Variants in TLE4 observed in about 807,000 individuals in gnomAD.
The protein encoded by TLE4 is transducin-like enhancer protein 4.
Under a neutral mutation model 92.8 loss-of-function variants are expected in TLE4, and 8 were observed. That is an observed-to-expected ratio of 0.09 (90% CI 0.05 to 0.16). The LOEUF is 0.16. Ranked by LOEUF, TLE4 falls within the 10% of genes least tolerant of loss-of-function variation. TLE4 has a pLI of 1.00. For missense variants in TLE4, 675 were observed against 997.6 expected (o/e 0.68, Z 4.36); for synonymous variants, 371 against 374.1 (o/e 0.99, Z 0.10).
At chr9:79,627,016 G>T (rs994545216) in intron 5 of TLE4, among the ~76,000 whole-genome samples, 1 of 152,212 alleles carries the variant, frequency 6.6e-6, no homozygotes, top group Non-Finnish European at 1.5e-5. Flanking sequence ...AGAAAAGGTA[G>T]TGAGTACAAA....
At chr9:79,573,807 T>A (rs761071965) in intron 2 of TLE4, 21 bp downstream of exon 2, 1 of 1,521,412 alleles carries the variant, frequency 6.6e-7, no homozygotes. Flanking sequence ...TGACTTTAGC[T>A]GATCCTTCTG....
chr9:79,617,221 C>T (rs1437985798), intron 5 of TLE4, among the ~76,000 whole-genome samples: 2 of 152,000 alleles, frequency 1.3e-5, no homozygotes, highest in African/African-American at 2.4e-5. Flanking sequence ...ACATTTAGCT[C>T]CACACAGGTT....
In TLE4 at chr9:79,613,459, C is replaced by T. The variant is rs142020397; in HGVS notation, c.315+741C>T. 7.4e-3 allele frequency among the ~76,000 whole-genome samples: 1,130 copies of T among 152,036 alleles called. 36 individuals are homozygous for T. The highest frequency in any genetic ancestry group is 0.067 in the Admixed American group (1,028 of 15,244). ...TGGTTTTTTTTTCTCTCCCTGCTTA[C>T]TTTTGGTAGTTACAAAGTTGAAGTG... On this transcript the variant is annotated intron_variant, in intron 5 of 19. Coordinates refer to ENST00000376552, the MANE Select transcript of TLE4 (RefSeq NM_007005.6).
chr9:79,718,653 AT>A, intron 14 of TLE4, 68 bp from the exon 15 acceptor site: 1 of 1,525,194 alleles, frequency 6.6e-7, no homozygotes, highest in South Asian at 1.3e-5. Context: ...TTCTCATCTC[AT>A]TACACTGAAC....
chr9:79,601,499 GTCACATTTTGGTAAC>G (rs2045650736), intron 4 of TLE4: 8 of 453,940 alleles, frequency 1.8e-5, no homozygotes, highest in South Asian at 1.2e-4. Context: ...GTGTCTCTGT[GTCACATTTTGGTAAC>G]TCTCACAATG....
chr9:79,713,920 G>A (rs1319194531), intron 14 of TLE4, among the ~76,000 whole-genome samples: 1 of 152,108 alleles, frequency 6.6e-6, no homozygotes, highest in Non-Finnish European at 1.5e-5. Context: ...CTGGAGTGTA[G>A]TGGCTCAATC....
chr9:79,720,576 A>G (rs1024261694), intron 16 of TLE4, among the ~76,000 whole-genome samples: 1 of 152,174 alleles, frequency 6.6e-6, no homozygotes, highest in African/African-American at 2.4e-5. Flanking sequence ...ATACTAAAGC[A>G]TCGCCAATTT....
rs141602638 is a variant in TLE4, at chr9:79,675,298, C to T, written c.609+21223C>T. 8.8e-3 allele frequency among the ~76,000 whole-genome samples: 1,337 copies of T among 152,208 alleles called. 38 individuals carry two copies. The highest frequency in any genetic ancestry group is 0.037 in the East Asian group (193 of 5,182). On this transcript the variant is annotated intron_variant, in intron 8 of 19. Coordinates refer to ENST00000376552, the MANE Select transcript of TLE4 (RefSeq NM_007005.6). ...ATTCCATTCCCTTTTTCCCTGCCAT[C>T]TCCTCCTGACCCTCCAGAAAAGGAC...
intron 8 of TLE4, among the ~76,000 whole-genome samples, chr9:79,680,174 G>A (rs1444021107): frequency 3.3e-5 from 5 of 151,870 alleles, no homozygotes; most frequent in African/African-American, 1.2e-4. Context: ...GTAGCTTGAT[G>A]GGGATGGCAT....
At chr9:79,628,673 C>G (rs1225569252) in intron 6 of TLE4, among the ~76,000 whole-genome samples, 1 of 151,896 alleles carries the variant, frequency 6.6e-6, no homozygotes, top group Non-Finnish European at 1.5e-5. Context: ...CCAGAGTGCC[C>G]CTTGGAAACA....
Position 79,704,751 on chromosome 9 carries a change from C to A in TLE4, c.610-32C>A, listed in dbSNP as rs370581536. On this transcript the variant is annotated intron_variant, in intron 8 of 19. Transcript: ENST00000376552. ...CACTCGGCTAAATAGATGATAATTT[C>A]TCAACCATGCTTCCTCTCCTTCTAA... The A allele has an allele frequency of 1.9e-5, 30 of 1,591,802 alleles. No individual in the cohort carries two copies. In the South Asian group the frequency reaches 2.4e-4, roughly 13 times the overall value.
intron 8 of TLE4, among the ~76,000 whole-genome samples, chr9:79,676,282 CA>C (rs1264943832): frequency 1.3e-5 from 2 of 151,978 alleles, no homozygotes; most frequent in Non-Finnish European, 2.9e-5. Context: ...TATTTTGGCT[CA>C]ATACTCTAAA....
At chr9:79,678,273 T>TA (rs1297134036) in intron 8 of TLE4, among the ~76,000 whole-genome samples, 1 of 152,152 alleles carries the variant, frequency 6.6e-6, no homozygotes, top group Non-Finnish European at 1.5e-5. Flanking sequence ...ATAATGAACC[T>TA]AATGCAGTAA....
intron 8 of TLE4, among the ~76,000 whole-genome samples, chr9:79,704,315 A>G (rs945535215): frequency 6.6e-6 from 1 of 152,102 alleles, no homozygotes; most frequent in Non-Finnish European, 1.5e-5. Context: ...GGGTTTCACC[A>G]TGTTGGCCAG....
intron 4 of TLE4, among the ~76,000 whole-genome samples, chr9:79,594,971 A>G (rs566647073): frequency 1.8e-4 from 27 of 152,306 alleles, no homozygotes; most frequent in South Asian, 1.0e-3. Flanking sequence ...AGAAAATACT[A>G]TTTATAGTTT....
At chr9:79,574,174 G>A (rs1456987943) in intron 2 of TLE4, 1 of 157,408 alleles carries the variant, frequency 6.4e-6, no homozygotes, top group East Asian at 1.8e-4. Flanking sequence ...CCACTGAAGA[G>A]CTGAGAGCCC....
Position 79,724,849 on chromosome 9 carries a change from TAAAAAAAAAAAAA to T in TLE4, c.2215-168_2215-156del, listed in dbSNP as rs947971071. Among the ~76,000 whole-genome samples, 79 of 25,992 alleles carry T rather than the reference TAAAAAAAAAAAAA, an allele frequency of 3.0e-3. 1 individual carries two copies. Among genetic ancestry groups the T allele is most frequent in the Middle Eastern group, 0.077 (2 of 26 alleles). The allele number at this position is 25,992 out of a possible 152,430, so 17.1% of individuals were successfully genotyped here. ...GTGACTGAGGGAGACCCTGTCTTAT[TAAAAAAAAAAAAA>T]AAAAAAAAAAAAAAAAAAAGCAGCA... is the stretch of plus-strand genomic sequence containing the variant. On this transcript the variant is annotated intron_variant, in intron 19 of 19. Transcript: ENST00000376552.
At chr9:79,604,764 CTGTTT>C (rs2046422692) in intron 4 of TLE4, among the ~76,000 whole-genome samples, 1 of 152,100 alleles carries the variant, frequency 6.6e-6, no homozygotes, top group Non-Finnish European at 1.5e-5. Flanking sequence ...GACGATTAGT[CTGTTT>C]TGTTTTGTTT....
intron 4 of TLE4, among the ~76,000 whole-genome samples, chr9:79,587,680 A>C (rs2041477465): frequency 6.6e-6 from 1 of 152,212 alleles, no homozygotes. Context: ...TAATATTGCC[A>C]GTGTTTCACA....
Sources: gnomAD v4.1 joint callset for allele counts (sites outside exome capture counted in the v4.1 genomes callset) on GRCh38, gnomAD v4.1.1 for gene constraint, MANE v1.5 for transcripts, NCBI Gene and HGNC (gene_info 2026-07-23, HGNC 2026-07-21) for gene names.